Variants in LRBA observed in about 807,000 individuals in gnomAD.
LRBA encodes the protein LPS responsive beige-like anchor protein.
A neutral mutation model predicts 330.0 loss-of-function variants in LRBA; 176 were observed. The observed-to-expected ratio is 0.53, with a 90% confidence interval of 0.47 to 0.60. LRBA has a LOEUF of 0.60. Ranked by LOEUF, LRBA falls within the 20% of genes least tolerant of loss-of-function variation. The pLI is 0.00. For missense variants in LRBA, 3,259 were observed against 3,444.8 expected (o/e 0.95, Z 1.35); for synonymous variants, 1,230 against 1,193.0 (o/e 1.03, Z -0.64).
intron 39 of LRBA, among the ~76,000 whole-genome samples, chr4:150,589,015 T>C (rs905067624): frequency 1.3e-5 from 2 of 149,636 alleles, no homozygotes; most frequent in African/African-American, 2.5e-5. Flanking sequence ...GTTACATATA[T>C]ATGTCTGTTA....
At chr4:151,011,296 T>C (rs1346469230) in intron 2 of LRBA, among the ~76,000 whole-genome samples, 1 of 152,042 alleles carries the variant, frequency 6.6e-6, no homozygotes, top group East Asian at 1.9e-4. Flanking sequence ...TAAACTTTAT[T>C]GTTTAAGTAG....
intron 46 of LRBA, among the ~76,000 whole-genome samples, chr4:150,424,648 C>G (rs1187455160): frequency 6.6e-6 from 1 of 152,128 alleles, no homozygotes; most frequent in Non-Finnish European, 1.5e-5. Flanking sequence ...CACACACACA[C>G]AGAGTCAGAT....
intron 22 of LRBA, among the ~76,000 whole-genome samples, chr4:150,855,291 T>C (rs2126934203): frequency 6.6e-6 from 1 of 152,220 alleles, no homozygotes; most frequent in Middle Eastern, 3.4e-3. Context: ...TAGCCTACTT[T>C]TTGGAAAACT....
chr4:150,642,783 A>G (rs1182208375), intron 37 of LRBA, among the ~76,000 whole-genome samples: 1 of 151,936 alleles, frequency 6.6e-6, no homozygotes, highest in East Asian at 1.9e-4. Context: ...ACAGATAATT[A>G]AACTGTATTG....
intron 35 of LRBA, among the ~76,000 whole-genome samples, chr4:150,752,410 C>T (rs903857469): frequency 6.6e-6 from 1 of 152,014 alleles, no homozygotes; most frequent in East Asian, 1.9e-4. Context: ...AAGGTTCTAA[C>T]ATCACAGAAT....
intron 36 of LRBA, among the ~76,000 whole-genome samples, chr4:150,689,963 A>C (rs1217897219): frequency 2.0e-5 from 3 of 152,062 alleles, no homozygotes; most frequent in Non-Finnish European, 4.4e-5. Context: ...AGCATGAAAA[A>C]TATGAAATAC....
At chr4:150,281,333 G>A (rs993329900) in intron 55 of LRBA, among the ~76,000 whole-genome samples, 37 of 152,094 alleles carry the variant, frequency 2.4e-4, no homozygotes, top group African/African-American at 8.2e-4. Flanking sequence ...CGTGGAGGCC[G>A]GCAGAATGTG....
intron 47 of LRBA, among the ~76,000 whole-genome samples, chr4:150,383,577 AAC>A (rs1742606951): frequency 1.3e-5 from 2 of 152,284 alleles, no homozygotes; most frequent in Middle Eastern, 3.4e-3. Flanking sequence ...CTTAAAAACA[AAC>A]ACACTTTTTT....
chr4:150,795,310 T>C (rs949970353), intron 34 of LRBA, among the ~76,000 whole-genome samples: 1 of 152,086 alleles, frequency 6.6e-6, no homozygotes, highest in Non-Finnish European at 1.5e-5. Context: ...TTTATACACA[T>C]ATACAACAAA....
At chr4:150,487,888 A>C in intron 41 of LRBA, 54 bp from the exon 42 acceptor site, 1 of 900,288 alleles carries the variant, frequency 1.1e-6, no homozygotes, top group South Asian at 1.7e-5. Flanking sequence ...CTTTCTGGAA[A>C]ACTGACTCCT....
intron 9 of LRBA, among the ~76,000 whole-genome samples, chr4:150,911,493 T>C (rs984737800): frequency 8.5e-5 from 13 of 152,326 alleles, no homozygotes; most frequent in Non-Finnish European, 1.8e-4. Flanking sequence ...TGTGGTACAT[T>C]GCATTGACTG....
intron 30 of LRBA, among the ~76,000 whole-genome samples, chr4:150,825,290 G>A (rs1746067895): frequency 1.3e-5 from 2 of 152,114 alleles, no homozygotes; most frequent in Admixed American, 1.3e-4. Flanking sequence ...TGCCACAATT[G>A]CATTGAGCAT....
At chr4:150,995,133 C>T (rs1372573204) in intron 2 of LRBA, among the ~76,000 whole-genome samples, 1 of 152,014 alleles carries the variant, frequency 6.6e-6, no homozygotes, top group East Asian at 1.9e-4. Context: ...ACCCTTCGCT[C>T]ACTCCAGTTT....
In LRBA at chr4:150,793,084, C is replaced by CA. The variant is rs1028271215; in HGVS notation, c.5580+4996dup. Among the ~76,000 whole-genome samples the CA allele has an allele frequency of 2.1e-3, 274 of 131,212 alleles. 1 individual carries two copies. Among genetic ancestry groups the CA allele is most frequent in the Middle Eastern group, 4.0e-3 (1 of 252 alleles). The allele number at this position is 131,212 out of a possible 152,430, so 86.1% of individuals were successfully genotyped here. A position where few individuals can be genotyped will look rare whatever the true frequency, so the allele number is the denominator to read the frequency against. On this transcript the variant is annotated intron_variant, in intron 34 of 56. Transcript: ENST00000651943. The stretch of plus-strand genomic sequence containing the variant: ...GACAAGAGCGAAACTCCATCTCAAA[C>CA]AAAAAAAAAAAAGAAAGAGGTCCAG...
At chr4:150,363,291 T>C (rs550524185) in intron 47 of LRBA, among the ~76,000 whole-genome samples, 5 of 152,276 alleles carry the variant, frequency 3.3e-5, no homozygotes, top group African/African-American at 1.2e-4. Context: ...TAAGGTTACA[T>C]ATGGGTTCCT....
In LRBA at chr4:150,321,511, G is replaced by A. The variant is rs946704001; in HGVS notation, c.7453-143C>T. On this transcript the variant is annotated intron_variant, in intron 49 of 56. Transcript: ENST00000651943. This position sits in a 1 kb window ranked among gnomAD's most constrained non-coding sequence, Gnocchi z 4.5. ...CATGAGTTGTAAGTGGAAGCACAGTGAGCAGAAAGGCTTGTAGAAACAGCA... is the reference window on the plus strand; with the variant it reads ...CATGAGTTGTAAGTGGAAGCACAGTAAGCAGAAAGGCTTGTAGAAACAGCA... 20 of 608,692 alleles carry A rather than the reference G, an allele frequency of 3.3e-5. No individual in the cohort carries two copies. Among genetic ancestry groups the A allele is most frequent in the Non-Finnish European group, 4.5e-5 (17 of 374,250 alleles). The allele number at this position is 608,692 out of a possible 1,614,324, so 37.7% of individuals were successfully genotyped here.
intron 28 of LRBA, among the ~76,000 whole-genome samples, chr4:150,834,469 G>A (rs1187943216): frequency 2.0e-5 from 3 of 152,198 alleles, no homozygotes; most frequent in African/African-American, 4.8e-5. Context: ...GATCAGAGCT[G>A]TTGGGTGACC....
chr4:150,792,768 G>T (rs968564363), intron 34 of LRBA, among the ~76,000 whole-genome samples: 1 of 151,730 alleles, frequency 6.6e-6, no homozygotes, highest in Non-Finnish European at 1.5e-5. Flanking sequence ...GGGCTAAATT[G>T]TTTTTTTTAA....
chr4:150,440,739 G>A (rs1442471752), intron 44 of LRBA, among the ~76,000 whole-genome samples: 1 of 152,048 alleles, frequency 6.6e-6, no homozygotes, highest in Non-Finnish European at 1.5e-5. Context: ...CAGCCTGGGT[G>A]ACAGAGTGAG....
Sources: gnomAD v4.1 joint callset for allele counts (sites outside exome capture counted in the v4.1 genomes callset) on GRCh38, gnomAD v4.1.1 for gene constraint, Gnocchi (gnomAD v3.1) non-coding constraint, MANE v1.5 for transcripts, NCBI Gene and HGNC (gene_info 2026-07-23, HGNC 2026-07-21) for gene names.